ZNG1B: variants seen among roughly 807,000 people sequenced by gnomAD.
ZNG1B encodes Zn regulated GTPase metalloprotein activator 1B, also known as zinc-regulated GTPase metalloprotein activator 1B.
At chr2:113,475,816 C>T in the ZNG1B span, among the ~76,000 whole-genome samples, 8,080 of 151,836 alleles carry the variant, frequency 0.053, 690 homozygotes, top group African/African-American at 0.19. Flanking sequence ...TGAATATTGG[C>T]CCCCACTCTC....
the ZNG1B span, among the ~76,000 whole-genome samples, chr2:113,448,803 C>A: frequency 6.6e-5 from 10 of 151,652 alleles, no homozygotes; most frequent in Admixed American, 4.6e-4. Context: ...ACTTGGGAGG[C>A]TGAGGCGGGA....
the ZNG1B span, among the ~76,000 whole-genome samples, chr2:113,477,139 A>T: frequency 6.6e-6 from 1 of 151,808 alleles, no homozygotes; most frequent in Non-Finnish European, 1.5e-5. Context: ...TTGTAGTTTG[A>T]TCTCAGACTG....
chr2:113,493,108 G>A, the ZNG1B span, among the ~76,000 whole-genome samples: 12 of 132,242 alleles, frequency 9.1e-5, no homozygotes, highest in African/African-American at 2.8e-5. Context: ...ACATGATGAT[G>A]TCACCCTTAC....
At chr2:113,437,901 G>A in the ZNG1B span, 3 of 1,611,864 alleles carry the variant, frequency 1.9e-6, no homozygotes, top group African/African-American at 4.0e-5. Context: ...CGGATGAGGA[G>A]GAGGATCCTG....
chr2:113,461,701 T>C, the ZNG1B span, among the ~76,000 whole-genome samples: 31 of 152,090 alleles, frequency 2.0e-4, no homozygotes, highest in Middle Eastern at 3.4e-3. Context: ...ACAGAGATAA[T>C]ATACAGTATA....
chr2:113,463,960 C>T, the ZNG1B span, among the ~76,000 whole-genome samples: 1 of 152,194 alleles, frequency 6.6e-6, no homozygotes, highest in African/African-American at 2.4e-5. Flanking sequence ...TCTTGTTTCT[C>T]TTCATAAATC....
At chr2:113,481,041 A>G in the ZNG1B span, among the ~76,000 whole-genome samples, 1 of 151,870 alleles carries the variant, frequency 6.6e-6, no homozygotes, top group Non-Finnish European at 1.5e-5. Context: ...GAGGCCATGA[A>G]ATTCTGAGAC....
chr2:113,471,032 G>C, the ZNG1B span: 1 of 1,570,960 alleles, frequency 6.4e-7, no homozygotes, highest in South Asian at 1.1e-5. Context: ...CTTCCTTTTA[G>C]AGTTGATCTC....
the ZNG1B span, among the ~76,000 whole-genome samples, chr2:113,484,284 G>C: frequency 2.0e-5 from 3 of 147,696 alleles, no homozygotes; most frequent in African/African-American, 7.6e-5. Flanking sequence ...AGCAAGGCCT[G>C]TTTGCTCAGA....
At chr2:113,453,322 G>A in the ZNG1B span, 54 of 1,398,942 alleles carry the variant, frequency 3.9e-5, no homozygotes, top group African/African-American at 4.7e-4. Flanking sequence ...GCATGATCTC[G>A]GCTCACTGCA....
At chr2:113,460,644 T>C in the ZNG1B span, 1 of 1,589,094 alleles carries the variant, frequency 6.3e-7, no homozygotes, top group Admixed American at 1.7e-5. Flanking sequence ...TGTATTATAG[T>C]AACTTTATTC....
At chr2:113,450,363 G>A in the ZNG1B span, among the ~76,000 whole-genome samples, 2,793 of 145,668 alleles carry the variant, frequency 0.019, 104 homozygotes, top group African/African-American at 0.068. Context: ...GTGATCATCT[G>A]AAGCCTTTCT....
the ZNG1B span, among the ~76,000 whole-genome samples, chr2:113,455,873 C>T: frequency 7.5e-6 from 1 of 133,174 alleles, no homozygotes; most frequent in Non-Finnish European, 1.6e-5. Flanking sequence ...TGCACACCAC[C>T]ATGCCCAGCT....
chr2:113,444,815 A>G, the ZNG1B span: 22 of 1,081,222 alleles, frequency 2.0e-5, no homozygotes, highest in Non-Finnish European at 2.7e-5. Flanking sequence ...TGGGACGGAC[A>G]TTTTGTTAGA....
At chr2:113,468,550 T>G in the ZNG1B span, 3 of 145,836 alleles carry the variant, frequency 2.1e-5, no homozygotes, top group African/African-American at 8.1e-5. Flanking sequence ...AAGCTTTTTC[T>G]TTCCCTTTTT....
chr2:113,445,556 A>G, the ZNG1B span: 892 of 152,906 alleles, frequency 5.8e-3, 14 homozygotes, highest in Admixed American at 0.029. Context: ...GTGCTGTGTA[A>G]GTAGTTATTA....
chr2:113,471,811 C>G, the ZNG1B span, among the ~76,000 whole-genome samples: 9 of 152,062 alleles, frequency 5.9e-5, no homozygotes, highest in East Asian at 1.4e-3. Flanking sequence ...AGGACATGAA[C>G]CCATCCTTTT....
At chr2:113,476,774 GC>G in the ZNG1B span, among the ~76,000 whole-genome samples, 1 of 152,148 alleles carries the variant, frequency 6.6e-6, no homozygotes, top group Middle Eastern at 3.2e-3. Context: ...GGAGTACCCG[GC>G]CGTGTGAGGT....
chr2:113,473,592 T>C, the ZNG1B span, among the ~76,000 whole-genome samples: 1 of 151,666 alleles, frequency 6.6e-6, no homozygotes, highest in African/African-American at 2.4e-5. Context: ...CTTCCAGTTT[T>C]TGCCCATTCA....
Sources: allele counts gnomAD v4.1 joint callset (sites outside exome capture counted in the v4.1 genomes callset), GRCh38; gene constraint gnomAD v4.1.1; transcripts MANE v1.5; gene names NCBI Gene and HGNC (gene_info 2026-07-23, HGNC 2026-07-21).